FRMD4A: variants seen among roughly 807,000 people sequenced by gnomAD.
The protein encoded by FRMD4A is FERM domain-containing protein 4A.
A neutral mutation model predicts 129.1 loss-of-function variants in FRMD4A; 29 were observed. That is an observed-to-expected ratio of 0.22 (90% confidence interval 0.17 to 0.31). The LOEUF (loss-of-function observed/expected upper bound fraction) is 0.31. Among genes scored for constraint, FRMD4A ranks in the 10% least tolerant of loss-of-function variants. FRMD4A has a pLI of 1.00. For synonymous variants in FRMD4A, 634 were observed against 571.6 expected, an observed-to-expected ratio of 1.11 and a Z score of -1.56; for missense variants, 1,272 against 1,375.8, an observed-to-expected ratio of 0.92 and a Z score of 1.19.
rs577309180 is a variant in FRMD4A, at chr10:13,742,397, C to G, written c.549-1820G>C. ...GGTCTCCCTGGTCTGGCCCCAGAGC[C>G]TTGGAACCTCAGTTCTCACTCTCAG... On this transcript the variant is annotated intron_variant, in intron 9 of 24. Coordinates refer to ENST00000357447, the MANE Select transcript of FRMD4A (RefSeq NM_018027.5). Among the ~76,000 whole-genome samples, 13 of 152,346 alleles carry G rather than the reference C, an allele frequency of 8.5e-5. No individual in the cohort carries two copies. In the East Asian group the frequency reaches 2.5e-3, roughly 29 times the overall value.
chr10:13,670,639 T>G, intron 16 of FRMD4A, 111 bp from the exon 17 acceptor site: 2 of 1,006,646 alleles, frequency 2.0e-6, no homozygotes, highest in Non-Finnish European at 3.0e-6. Context: ...ACGCATGCAC[T>G]TCGATACAGG....
intron 2 of FRMD4A, among the ~76,000 whole-genome samples, chr10:13,927,989 G>A (rs2095152144): frequency 6.6e-6 from 1 of 151,256 alleles, no homozygotes; most frequent in African/African-American, 2.4e-5. Context: ...TCAGCTGGGA[G>A]GAAAAGGATA....
chr10:14,195,875 T>C (rs574256698), intron 2 of FRMD4A, among the ~76,000 whole-genome samples: 2 of 152,354 alleles, frequency 1.3e-5, no homozygotes, highest in South Asian at 2.1e-4. Flanking sequence ...TTCACTTACA[T>C]TGAACACATA....
At chr10:14,102,965 AGC>A (rs958530719) in intron 2 of FRMD4A, among the ~76,000 whole-genome samples, 10 of 152,206 alleles carry the variant, frequency 6.6e-5, no homozygotes, top group Non-Finnish European at 1.2e-4. Flanking sequence ...AACCTGTCAC[AGC>A]CACTTTCTGA....
chr10:13,945,648 C>T (rs747232109), intron 2 of FRMD4A, among the ~76,000 whole-genome samples: 12 of 152,164 alleles, frequency 7.9e-5, no homozygotes, highest in African/African-American at 1.2e-4. Context: ...AACTGGTTTC[C>T]GCCTCTCACA....
At chr10:13,808,523 C>T (rs945242980) in intron 4 of FRMD4A, among the ~76,000 whole-genome samples, 1 of 152,200 alleles carries the variant, frequency 6.6e-6, no homozygotes, top group African/African-American at 2.4e-5. Flanking sequence ...TTCTTCTTTC[C>T]TACCAGGAAA....
intron 2 of FRMD4A, among the ~76,000 whole-genome samples, chr10:13,912,153 A>G (rs903786852): frequency 3.3e-5 from 5 of 152,148 alleles, no homozygotes; most frequent in African/African-American, 1.2e-4. Context: ...AACCCTTTAT[A>G]TTATAGAAAA....
intron 2 of FRMD4A, among the ~76,000 whole-genome samples, chr10:14,280,985 T>TTA (rs1845498678): frequency 1.6e-5 from 2 of 127,396 alleles, no homozygotes; most frequent in Middle Eastern, 3.5e-3. Context: ...GGTTTCAATT[T>TTA]TTTTTTTTTT....
intron 2 of FRMD4A, among the ~76,000 whole-genome samples, chr10:13,895,065 G>A (rs2094742079): frequency 6.6e-6 from 1 of 152,214 alleles, no homozygotes; most frequent in Admixed American, 6.5e-5. Flanking sequence ...GGCTGAATAA[G>A]CATAAACCTT....
intron 23 of FRMD4A, chr10:13,653,348 T>TACTAGAGATTAGCC (rs1216886669): frequency 6.6e-6 from 1 of 152,290 alleles, no homozygotes; most frequent in Non-Finnish European, 1.5e-5. Context: ...ACCCTGTCTC[T>TACTAGAGATTAGCC]ACTAGAGATT....
Position 13,773,252 on chromosome 10 carries a change from A to G in FRMD4A, c.384+9670T>C, listed in dbSNP as rs186900043. Among the ~76,000 whole-genome samples, 4 of 152,326 alleles carry G rather than the reference A, an allele frequency of 2.6e-5. No homozygotes were observed. The East Asian group carries it at 7.7e-4, about 29-fold the overall frequency. ...TCTATTATGTAATAAGAACACCGTG[A>G]GTCATAAAACCCGACCTGCCCTTCT... On this transcript the variant is annotated intron_variant, in intron 6 of 24. Coordinates refer to ENST00000357447, the MANE Select transcript of FRMD4A (RefSeq NM_018027.5).
chr10:13,780,287 A>AT (rs1335669355), intron 6 of FRMD4A, among the ~76,000 whole-genome samples: 3 of 151,480 alleles, frequency 2.0e-5, no homozygotes, highest in Non-Finnish European at 4.4e-5. Context: ...AGATTGTGCC[A>AT]TTGTACTCCA....
At chr10:14,215,056 C>A (rs1040876183) in intron 2 of FRMD4A, among the ~76,000 whole-genome samples, 15 of 152,126 alleles carry the variant, frequency 9.9e-5, no homozygotes, top group African/African-American at 3.6e-4. Flanking sequence ...AAAACATATA[C>A]AGTTTTAAAA....
intron 2 of FRMD4A, among the ~76,000 whole-genome samples, chr10:14,205,061 CTTT>C (rs57239612): frequency 1.3e-3 from 130 of 97,496 alleles, no homozygotes; most frequent in South Asian, 8.3e-3. Context: ...TCTTTTCTTT[CTTT>C]TTTTTTTTTT....
intron 2 of FRMD4A, among the ~76,000 whole-genome samples, chr10:14,124,214 G>A (rs1395019502): frequency 1.3e-5 from 2 of 152,140 alleles, no homozygotes; most frequent in Admixed American, 6.5e-5. Context: ...TTTAATTCCA[G>A]CTTTCTCAAA....
chr10:13,951,924 AATAAT>A (rs2095373973), intron 2 of FRMD4A, among the ~76,000 whole-genome samples: 5 of 145,072 alleles, frequency 3.4e-5, no homozygotes, highest in Admixed American at 1.4e-4. Flanking sequence ...TAATAATAAT[AATAAT>A]AAACAATCTA....
intron 2 of FRMD4A, among the ~76,000 whole-genome samples, chr10:14,327,632 G>A (rs1018675887): frequency 2.0e-5 from 3 of 152,224 alleles, no homozygotes; most frequent in African/African-American, 7.2e-5. Flanking sequence ...TAGCATCTAA[G>A]CTGAATGTAA....
chr10:13,707,638 C>T, intron 12 of FRMD4A: 1 of 988,502 alleles, frequency 1.0e-6, no homozygotes, highest in Non-Finnish European at 1.2e-6. Flanking sequence ...GACTCCACTT[C>T]CTGCTCACTA....
intron 2 of FRMD4A, among the ~76,000 whole-genome samples, chr10:14,027,882 G>A (rs1344297853): frequency 6.6e-6 from 1 of 152,212 alleles, no homozygotes; most frequent in Non-Finnish European, 1.5e-5. Flanking sequence ...AGTGTATGCG[G>A]ATGTCACCCC....
Sources: allele counts gnomAD v4.1 joint callset (sites outside exome capture counted in the v4.1 genomes callset), GRCh38; gene constraint gnomAD v4.1.1; transcripts MANE v1.5; gene names NCBI Gene and HGNC (gene_info 2026-07-23, HGNC 2026-07-21).